RGS3: variants seen among roughly 807,000 people sequenced by gnomAD.
The protein encoded by RGS3 is regulator of G protein signaling 3.
A neutral mutation model predicts 132.6 loss-of-function variants in RGS3; 80 were observed. The ratio of observed to expected loss-of-function variants is 0.60; its 90% CI spans 0.50 to 0.73. The LOEUF (loss-of-function observed/expected upper bound fraction) is 0.73. RGS3 is among the 30% of genes least tolerant of loss of function. RGS3 has a pLI of 0.00. For missense variants in RGS3, 1,382 were observed against 1,530.8 expected, an observed-to-expected ratio of 0.90 and a Z score of 1.62; for synonymous variants, 598 against 620.6, an observed-to-expected ratio of 0.96 and a Z score of 0.54.
At chr9:113,456,513 A>C (rs770437167), upstream of RGS3, among the ~76,000 whole-genome samples, 14 of 152,146 alleles carry the variant, frequency 9.2e-5, no homozygotes, top group Admixed American at 5.2e-4. Flanking sequence ...TGTTGATTCT[A>C]TCTCTTTCCA....
At chr9:113,530,303 C>T (rs1832409330) in intron 18 of RGS3, among the ~76,000 whole-genome samples, 1 of 152,224 alleles carries the variant, frequency 6.6e-6, no homozygotes, top group Non-Finnish European at 1.5e-5. Flanking sequence ...GAGAAGTTAG[C>T]TTTAGCGGAG....
At chr9:113,514,545 A>G in exon 15 of RGS3, 1 of 1,614,210 alleles carries the variant, frequency 6.2e-7, no homozygotes, top group Non-Finnish European at 8.5e-7. Context: ...ATGAAGGGCC[A>G]CGGGAACTAC....
rs1471927425 is a variant in RGS3, at chr9:113,463,507, G to T, written c.415+1306G>T. Reference sequence around the variant, plus strand: ...ACCGGGAGCGCGGTGCTGGGGCCGGGATACCCGGGGTGGCCGCACCGTCCT... The same window carrying T: ...ACCGGGAGCGCGGTGCTGGGGCCGGTATACCCGGGGTGGCCGCACCGTCCT... On this transcript the variant is annotated intron_variant, in intron 3 of 24. Coordinates refer to ENST00000350696, the Ensembl canonical transcript of RGS3. The surrounding 1 kb of genome is among the most constrained non-coding windows in gnomAD (Gnocchi z 4.6). Among the ~76,000 whole-genome samples the T allele has an allele frequency of 6.6e-6, 1 of 152,162 alleles. No homozygotes were observed. Among genetic ancestry groups the T allele is most frequent in the Admixed American group, 6.5e-5 (1 of 15,288 alleles).
chr9:113,501,683 A>T, intron 10 of RGS3: 1 of 1,504,876 alleles, frequency 6.6e-7, no homozygotes, highest in Admixed American at 2.0e-5. Flanking sequence ...GGATAGGGGT[A>T]GAGGGACCAT....
intron 14 of RGS3, among the ~76,000 whole-genome samples, 194 bp downstream of exon 12, chr9:113,508,774 C>G (rs552117840): frequency 2.0e-5 from 3 of 152,290 alleles, no homozygotes; most frequent in East Asian, 3.9e-4. Context: ...TTCCTTGAAG[C>G]CAGAACTGAG....
chr9:113,524,209 C>T (rs1259724897), intron 17 of RGS3, among the ~76,000 whole-genome samples: 1 of 152,152 alleles, frequency 6.6e-6, no homozygotes, highest in Non-Finnish European at 1.5e-5. Flanking sequence ...CTCTCCATAC[C>T]CCCAGCCCCT....
chr9:113,447,323 G>GTATATATATA (rs1554750967), intron 1 of RGS3, among the ~76,000 whole-genome samples: 1 of 29,422 alleles, frequency 3.4e-5, no homozygotes, highest in African/African-American at 8.9e-5. Context: ...TCTGATGTAT[G>GTATATATATA]TATATGTATA....
At chr9:113,586,042 G>C (rs1462827248) in intron 20 of RGS3, among the ~76,000 whole-genome samples, 1 of 152,220 alleles carries the variant, frequency 6.6e-6, no homozygotes, top group Non-Finnish European at 1.5e-5. Context: ...CCAGAACTCT[G>C]GAATCAGAAT....
intron 19 of RGS3, among the ~76,000 whole-genome samples, chr9:113,570,501 A>G (rs1834237241): frequency 6.6e-6 from 1 of 152,176 alleles, no homozygotes. Flanking sequence ...GAAGTGCAGC[A>G]TACTTCCAGA....
chr9:113,584,871 C>A (rs1835040885), intron 20 of RGS3, among the ~76,000 whole-genome samples: 3 of 152,192 alleles, frequency 2.0e-5, no homozygotes, highest in Admixed American at 2.0e-4. Context: ...TCACAACAGC[C>A]CTTTGAAGTA....
At chr9:113,524,674 A>C (rs796493355) in intron 17 of RGS3, among the ~76,000 whole-genome samples, 9 of 152,238 alleles carry the variant, frequency 5.9e-5, no homozygotes, top group African/African-American at 2.2e-4. Flanking sequence ...CTTTGCCTTC[A>C]GTTTCTCTGA....
chr9:113,529,271 C>T lies in RGS3; in HGVS notation c.1914+7C>T. On this transcript the variant is annotated splice_region_variant and intron_variant, in intron 18 of 24. Coordinates refer to ENST00000350696, the Ensembl canonical transcript of RGS3. Reference sequence around the variant, plus strand: ...CGTGCTCTATCTAGCAGAGGTGAGTCCTTTCCTCTGGATTTGAGGAGAGAG... The same window carrying T: ...CGTGCTCTATCTAGCAGAGGTGAGTTCTTTCCTCTGGATTTGAGGAGAGAG... The T allele has an allele frequency of 5.0e-6, 8 of 1,609,430 alleles. No individual in the cohort carries two copies. The highest frequency in any genetic ancestry group is 6.8e-6 in the Non-Finnish European group (8 of 1,175,706).
At chr9:113,541,861 G>A (rs1355170968) in intron 19 of RGS3, 2 of 986,864 alleles carry the variant, frequency 2.0e-6, no homozygotes, top group Non-Finnish European at 2.4e-6. Context: ...GTACACATTG[G>A]CTCATTCATT....
At chr9:113,582,308 G>A (rs900840236) in intron 19 of RGS3, 2 of 714,156 alleles carry the variant, frequency 2.8e-6, no homozygotes, top group South Asian at 1.3e-4. Context: ...TTTCTACAAT[G>A]AGAGCTCTTA....
chr9:113,594,629 C>A, intron 22 of RGS3, 98 bp downstream of exon 20: 1 of 1,002,498 alleles, frequency 1.0e-6, no homozygotes, highest in Non-Finnish European at 1.5e-6. Flanking sequence ...GGCTTGCCGG[C>A]TTGATCCAGC....
chr9:113,498,551 T>G (rs1830760182), intron 10 of RGS3, among the ~76,000 whole-genome samples: 1 of 152,122 alleles, frequency 6.6e-6, no homozygotes, highest in Admixed American at 6.5e-5. Flanking sequence ...TTGGGAGAAT[T>G]CTCCAAAAGT....
intron 19 of RGS3, among the ~76,000 whole-genome samples, chr9:113,558,947 C>T (rs1337969290): frequency 6.6e-6 from 1 of 152,242 alleles, no homozygotes; most frequent in Admixed American, 6.5e-5. Flanking sequence ...AGTTCAACCC[C>T]AGTGCATTTT....
intron 19 of RGS3, among the ~76,000 whole-genome samples, chr9:113,538,403 C>T (rs1282912920): frequency 1.3e-5 from 2 of 152,204 alleles, no homozygotes; most frequent in East Asian, 3.8e-4. Flanking sequence ...GCCTCTGGGA[C>T]GTCGAATGGC....
chr9:113,447,361 A>ATATATATATATATATATATATG (rs1554751008), intron 1 of RGS3, among the ~76,000 whole-genome samples: 1 of 118,420 alleles, frequency 8.4e-6, no homozygotes, highest in Non-Finnish European at 1.8e-5. Flanking sequence ...ATATATATAT[A>ATATATATATATATATATATATG]GGCAAGGGTT....
Sources: gnomAD v4.1 joint callset for allele counts (sites outside exome capture counted in the v4.1 genomes callset) on GRCh38, gnomAD v4.1.1 for gene constraint, Gnocchi (gnomAD v3.1) non-coding constraint, MANE v1.5 for transcripts, NCBI Gene and HGNC (gene_info 2026-07-23, HGNC 2026-07-21) for gene names.